DLG2: variants seen among roughly 807,000 people sequenced by gnomAD.
The protein encoded by DLG2 is disks large homolog 2.
Under a neutral mutation model 132.5 loss-of-function variants are expected in DLG2, and 45 were observed. The observed-to-expected ratio is 0.34, with a 90% CI of 0.27 to 0.44. DLG2 has a LOEUF of 0.44. Among genes scored for constraint, DLG2 ranks in the 20% least tolerant of loss-of-function variants. The pLI, the probability that DLG2 is intolerant of heterozygous loss-of-function variation, is 1.00. For synonymous variants in DLG2, 424 were observed against 419.6 expected, an observed-to-expected ratio of 1.01 and a Z score of -0.13; for missense variants, 1,045 against 1,196.9, an observed-to-expected ratio of 0.87 and a Z score of 1.87.
intron 3 of DLG2, among the ~76,000 whole-genome samples, chr11:85,517,796 C>T (rs2094198507): frequency 6.6e-6 from 1 of 152,090 alleles, no homozygotes; most frequent in Admixed American, 6.6e-5. Flanking sequence ...ACCCAAATCT[C>T]ATCATGAATT....
At chr11:85,046,237 G>C (rs578244088) in intron 6 of DLG2, among the ~76,000 whole-genome samples, 11 of 152,014 alleles carry the variant, frequency 7.2e-5, no homozygotes, top group Non-Finnish European at 1.6e-4. Flanking sequence ...ATCTACCACA[G>C]GGCAGGAGCT....
intron 8 of DLG2, among the ~76,000 whole-genome samples, chr11:84,186,042 T>C (rs183668966): frequency 5.3e-4 from 80 of 152,322 alleles, no homozygotes; most frequent in African/African-American, 1.9e-3. Flanking sequence ...GTTAAACTTA[T>C]GTAGTTACCT....
At chr11:83,611,065 A>C (rs1050684587) in intron 19 of DLG2, among the ~76,000 whole-genome samples, 1 of 151,376 alleles carries the variant, frequency 6.6e-6, no homozygotes, top group Non-Finnish European at 1.5e-5. Flanking sequence ...ATTTTCCACA[A>C]AAAAAATCAG....
At chr11:83,686,045 C>T (rs1462403442) in intron 18 of DLG2, among the ~76,000 whole-genome samples, 1 of 152,080 alleles carries the variant, frequency 6.6e-6, no homozygotes, top group Non-Finnish European at 1.5e-5. Flanking sequence ...CTAATCTATA[C>T]CACTATCATT....
chr11:84,539,450 G>C (rs1057438833), intron 6 of DLG2, among the ~76,000 whole-genome samples: 3 of 152,042 alleles, frequency 2.0e-5, no homozygotes, highest in Non-Finnish European at 2.9e-5. Flanking sequence ...TGTCATTCTG[G>C]GCACCTTTGA....
intron 5 of DLG2, among the ~76,000 whole-genome samples, chr11:85,122,222 C>T (rs1484940367): frequency 4.6e-5 from 7 of 152,140 alleles, no homozygotes; most frequent in Admixed American, 3.9e-4. Flanking sequence ...AAGACTATAA[C>T]AAAGATGCAG....
intron 3 of DLG2, among the ~76,000 whole-genome samples, chr11:85,348,628 C>T (rs961481060): frequency 6.6e-6 from 1 of 152,054 alleles, no homozygotes; most frequent in Non-Finnish European, 1.5e-5. Context: ...CTCTTTCCCC[C>T]CTCCATGATT....
intron 18 of DLG2, among the ~76,000 whole-genome samples, chr11:83,768,523 T>C (rs2094240921): frequency 6.6e-6 from 1 of 152,222 alleles, no homozygotes; most frequent in South Asian, 2.1e-4. Flanking sequence ...GTAATCTGCT[T>C]TCTTTAACAT....
At chr11:83,666,840 G>A (rs1464922503) in intron 18 of DLG2, among the ~76,000 whole-genome samples, 1 of 152,142 alleles carries the variant, frequency 6.6e-6, no homozygotes, top group Non-Finnish European at 1.5e-5. Context: ...CCTGGGCTTT[G>A]GCCTTCTGTG....
At chr11:83,772,507 G>A (rs1485258326) in intron 18 of DLG2, among the ~76,000 whole-genome samples, 3 of 144,888 alleles carry the variant, frequency 2.1e-5, no homozygotes, top group African/African-American at 7.7e-5. Context: ...GGAGGGGAAG[G>A]GGAAGGGAAG....
chr11:84,653,883 G>A (rs1594950425), intron 6 of DLG2, among the ~76,000 whole-genome samples: 4 of 152,248 alleles, frequency 2.6e-5, no homozygotes, highest in East Asian at 1.9e-4. Flanking sequence ...CCTTTCTTGG[G>A]AGAGGCATTT....
rs1235904893 is a variant in DLG2 at position 83,459,715 on chromosome 11, A to AAAC, written c.*100_*102dup. 13 of 659,296 alleles carry AAAC rather than the reference A, an allele frequency of 2.0e-5. No homozygotes were observed. In the African/African-American group the frequency reaches 2.4e-4, roughly 12 times the overall value. The allele number at this position is 659,296 out of a possible 1,614,324, so 40.8% of individuals were successfully genotyped here. On this transcript the variant is annotated 3_prime_UTR_variant, in exon 28 of 28. Coordinates refer to ENST00000376104, the MANE Select transcript of DLG2 (RefSeq NM_001142699.3). Reference sequence around the variant, plus strand: ...TCGTAAGAATTCACATTGACTGCAAAAACATAAATGCAACAAAAACATAAA... The same window carrying AAAC: ...TCGTAAGAATTCACATTGACTGCAAAAACAACATAAATGCAACAAAAACATAAA...
At chr11:84,934,540 T>TTG in intron 6 of DLG2, among the ~76,000 whole-genome samples, 1 of 140,044 alleles carries the variant, frequency 7.1e-6, no homozygotes, top group Non-Finnish European at 1.5e-5. Flanking sequence ...TTTTTTTTTT[T>TTG]TTTTTTGGTG....
intron 8 of DLG2, among the ~76,000 whole-genome samples, chr11:84,236,282 A>G (rs2097157881): frequency 6.6e-6 from 1 of 152,248 alleles, no homozygotes; most frequent in South Asian, 2.1e-4. Flanking sequence ...TTCTTAAAGT[A>G]TGTGCAATAG....
At chr11:84,457,656 G>A (rs568760284) in intron 7 of DLG2, among the ~76,000 whole-genome samples, 7 of 150,966 alleles carry the variant, frequency 4.6e-5, no homozygotes, top group African/African-American at 1.2e-4. Context: ...AACAGAGTGC[G>A]ACCCTGAATG....
intron 6 of DLG2, among the ~76,000 whole-genome samples, chr11:84,866,077 T>G (rs2084511772): frequency 6.6e-6 from 1 of 152,214 alleles, no homozygotes; most frequent in Non-Finnish European, 1.5e-5. Context: ...CCATTTCTTC[T>G]AAAAACCAGT....
At chr11:85,130,930 C>T (rs977358105) in intron 5 of DLG2, among the ~76,000 whole-genome samples, 1 of 152,154 alleles carries the variant, frequency 6.6e-6, no homozygotes, top group Non-Finnish European at 1.5e-5. Flanking sequence ...TTAAATATTA[C>T]AATGTAACTT....
intron 7 of DLG2, among the ~76,000 whole-genome samples, chr11:84,496,428 A>G (rs2099184166): frequency 6.6e-6 from 1 of 152,106 alleles, no homozygotes; most frequent in Non-Finnish European, 1.5e-5. Context: ...TGCTACATGA[A>G]TGGACTACAG....
chr11:84,721,922 T>C (rs548685788), intron 6 of DLG2, among the ~76,000 whole-genome samples: 10 of 152,342 alleles, frequency 6.6e-5, no homozygotes, highest in African/African-American at 2.2e-4. Flanking sequence ...TGGTAGCTGC[T>C]CTTAACTTAC....
Sources: allele counts gnomAD v4.1 joint callset (sites outside exome capture counted in the v4.1 genomes callset), GRCh38; gene constraint gnomAD v4.1.1; transcripts MANE v1.5; gene names NCBI Gene and HGNC (gene_info 2026-07-23, HGNC 2026-07-21).